The following GABRB1 variants were observed in gnomAD, a reference collection of about 807,000 sequenced individuals.
The protein encoded by GABRB1 is gamma-aminobutyric acid receptor subunit beta-1.
Under a neutral mutation model 51.6 loss-of-function variants are expected in GABRB1, and 17 were observed. The observed-to-expected ratio is 0.33, with a 90% CI of 0.23 to 0.49. The LOEUF is 0.49. GABRB1 is among the 20% of genes least tolerant of loss of function. The probability of loss-of-function intolerance (pLI) is 0.99; values close to 1 mark genes in which losing one functional copy is unlikely to be tolerated. For synonymous variants in GABRB1, 247 were observed against 218.9 expected (o/e 1.13, Z -1.14); for missense variants, 410 against 600.6 (o/e 0.68, Z 3.32).
At position 47,064,641 on chromosome 4, in the gene GABRB1, C is replaced by CAAA. The variant is rs33963952; in HGVS notation, c.240+32177_240+32179dup. Among the ~76,000 whole-genome samples, 183 of 56,728 alleles carry CAAA rather than the reference C, an allele frequency of 3.2e-3. 3 individuals are homozygous for CAAA. Among genetic ancestry groups the CAAA allele is most frequent in the East Asian group, 0.02 (33 of 1,646 alleles). The allele number at this position is 56,728 out of a possible 152,430, so 37.2% of individuals were successfully genotyped here. On this transcript the variant is annotated intron_variant, in intron 3 of 8. Coordinates refer to ENST00000295454, the MANE Select transcript of GABRB1 (RefSeq NM_000812.4). ...AAATAAGAGCGAGGAGACTCCATCTCAAAAAAAAAAAAAAAAAAAAAAGAG... is the reference window on the plus strand; with the variant it reads ...AAATAAGAGCGAGGAGACTCCATCTCAAAAAAAAAAAAAAAAAAAAAAAAAGAG...
chr4:47,283,709 G>A (rs754813998), intron 4 of GABRB1, among the ~76,000 whole-genome samples: 1 of 151,738 alleles, frequency 6.6e-6, no homozygotes, highest in Non-Finnish European at 1.5e-5. Context: ...CTTTTTAGGG[G>A]ACTTAAGAAA....
At chr4:47,123,717 G>C (rs868000541) in intron 3 of GABRB1, among the ~76,000 whole-genome samples, 1,020 of 58,604 alleles carry the variant, frequency 0.017, 40 homozygotes, top group African/African-American at 0.058. Context: ...TATGATATAT[G>C]ATATATGATA....
chr4:47,236,332 A>C (rs535301658), intron 4 of GABRB1, among the ~76,000 whole-genome samples: 2 of 152,226 alleles, frequency 1.3e-5, no homozygotes, highest in Non-Finnish European at 2.9e-5. Flanking sequence ...TCTTGTAAAA[A>C]AAAAAGTCAT....
In GABRB1 at chr4:47,158,872, A is replaced by T. The variant is rs562097635; in HGVS notation, c.241-2377A>T. ...ACTAATGTGTACATAGCAATTAAAA[A>T]TTTTGAAGATAATTTATTTGTTTAG... On this transcript the variant is annotated intron_variant, in intron 3 of 8. Coordinates refer to ENST00000295454, the MANE Select transcript of GABRB1 (RefSeq NM_000812.4). Among the ~76,000 whole-genome samples the T allele has an allele frequency of 6.6e-5, 10 of 152,236 alleles. No individual in the cohort carries two copies. In the South Asian group the frequency reaches 2.1e-3, roughly 32 times the overall value.
intron 5 of GABRB1, among the ~76,000 whole-genome samples, chr4:47,369,057 G>A (rs1305448907): frequency 2.6e-5 from 4 of 152,212 alleles, no homozygotes; most frequent in Non-Finnish European, 4.4e-5. Context: ...GCAGTGAGCC[G>A]AGATCACATC....
At chr4:47,294,027 G>A (rs1723862619) in intron 4 of GABRB1, among the ~76,000 whole-genome samples, 1 of 151,988 alleles carries the variant, frequency 6.6e-6, no homozygotes, top group Non-Finnish European at 1.5e-5. Context: ...CCCCTCCACA[G>A]CATAAAAAGG....
At chr4:47,395,615 C>T (rs1448703227) in intron 5 of GABRB1, among the ~76,000 whole-genome samples, 1 of 152,152 alleles carries the variant, frequency 6.6e-6, no homozygotes, top group Non-Finnish European at 1.5e-5. Context: ...ATCTCATTGC[C>T]CACATGTAGA....
intron 4 of GABRB1, among the ~76,000 whole-genome samples, chr4:47,242,366 T>C (rs942846910): frequency 2.0e-5 from 3 of 152,216 alleles, no homozygotes; most frequent in African/African-American, 7.2e-5. Context: ...TGTGTCTTTA[T>C]AGCAGCATGA....
intron 3 of GABRB1, among the ~76,000 whole-genome samples, chr4:47,108,454 A>T (rs576223057): frequency 4.0e-4 from 61 of 152,202 alleles, no homozygotes; most frequent in African/African-American, 1.4e-3. Flanking sequence ...TTTATAGCAC[A>T]TTGTGGATTT....
intron 3 of GABRB1, among the ~76,000 whole-genome samples, chr4:47,132,669 C>A (rs772954200): frequency 6.6e-5 from 10 of 152,128 alleles, no homozygotes; most frequent in Non-Finnish European, 1.0e-4. Flanking sequence ...ATACTGGAAA[C>A]GCTCAACGAA....
At chr4:47,032,668 G>T (rs545206085) in intron 3 of GABRB1, 184 bp downstream of exon 3, 1 of 719,400 alleles carries the variant, frequency 1.4e-6, no homozygotes, top group Non-Finnish European at 2.6e-6. Flanking sequence ...CGACACACAC[G>T]GGCTACTGCG....
At chr4:47,311,411 C>CAAAAAA (rs71276540) in intron 4 of GABRB1, among the ~76,000 whole-genome samples, 2 of 46,350 alleles carry the variant, frequency 4.3e-5, no homozygotes, top group South Asian at 7.4e-4. Context: ...GACTCTGTCT[C>CAAAAAA]AAAAAAAAAA....
At chr4:47,425,032 C>T (rs1729223507) in intron 8 of GABRB1, among the ~76,000 whole-genome samples, 1 of 152,154 alleles carries the variant, frequency 6.6e-6, no homozygotes, top group Non-Finnish European at 1.5e-5. Flanking sequence ...CAAAATATTC[C>T]TTCCAGACTT....
At chr4:47,329,134 C>T (rs1725368019) in intron 5 of GABRB1, among the ~76,000 whole-genome samples, 1 of 152,046 alleles carries the variant, frequency 6.6e-6, no homozygotes, top group African/African-American at 2.4e-5. Flanking sequence ...TGAATGGTCA[C>T]ATCTGGAGAA....
At chr4:47,183,421 ATTTATT>A (rs1719042876) in intron 4 of GABRB1, among the ~76,000 whole-genome samples, 1 of 147,616 alleles carries the variant, frequency 6.8e-6, no homozygotes, top group African/African-American at 2.5e-5. Flanking sequence ...GGTTTAGCAC[ATTTATT>A]TTTAAACTTA....
chr4:47,258,666 A>G (rs1379681917), intron 4 of GABRB1, among the ~76,000 whole-genome samples: 2 of 152,200 alleles, frequency 1.3e-5, no homozygotes, highest in East Asian at 3.8e-4. Flanking sequence ...TCAAGACTCA[A>G]TTTCCTACCG....
rs549341352 is a variant in GABRB1, at chr4:47,063,089, C to A, written c.240+30605C>A. ...AATAAAATCCAAAGATTTTATATAG[C>A]TCTAAGGCCCTAAGCAATCCCTCTG... On this transcript the variant is annotated intron_variant, in intron 3 of 8. Coordinates refer to ENST00000295454, the MANE Select transcript of GABRB1 (RefSeq NM_000812.4). Among the ~76,000 whole-genome samples, 5 of 152,224 alleles carry A rather than the reference C, an allele frequency of 3.3e-5. No individual in the cohort carries two copies. In the South Asian group the frequency reaches 1.0e-3, roughly 32 times the overall value.
At chr4:47,407,138 C>A (rs1728603874) in intron 8 of GABRB1, among the ~76,000 whole-genome samples, 1 of 152,080 alleles carries the variant, frequency 6.6e-6, no homozygotes, top group Non-Finnish European at 1.5e-5. Context: ...AACTCAACCC[C>A]AAGTCCATTA....
intron 4 of GABRB1, among the ~76,000 whole-genome samples, chr4:47,283,473 C>A (rs1387009434): frequency 7.0e-6 from 1 of 142,614 alleles, no homozygotes; most frequent in African/African-American, 2.6e-5. Context: ...GCAAGCTCCG[C>A]CTCCCAGGTT....
Sources: gnomAD v4.1 joint callset for allele counts (sites outside exome capture counted in the v4.1 genomes callset) on GRCh38, gnomAD v4.1.1 for gene constraint, MANE v1.5 for transcripts, NCBI Gene and HGNC (gene_info 2026-07-23, HGNC 2026-07-21) for gene names.